STRN: variants seen among roughly 807,000 people sequenced by gnomAD.
STRN encodes protein phosphatase 2 regulatory subunit B'''alpha.
STRN carries 53 observed loss-of-function variants against 96.3 expected under a neutral mutation model. The ratio of observed to expected loss-of-function variants is 0.55; its 90% CI spans 0.44 to 0.69. The LOEUF is 0.69. Ranked by LOEUF, STRN falls within the 30% of genes least tolerant of loss-of-function variation. The probability of loss-of-function intolerance (pLI) is 0.00; values close to 1 mark genes in which losing one functional copy is unlikely to be tolerated. For missense variants in STRN, 987 were observed against 963.9 expected (o/e 1.02, Z -0.32); for synonymous variants, 428 against 355.9 (o/e 1.20, Z -2.28).
intron 3 of STRN, among the ~76,000 whole-genome samples, chr2:36,914,963 G>A (rs575926585): frequency 2.6e-5 from 4 of 151,968 alleles, no homozygotes; most frequent in South Asian, 2.1e-4. Context: ...TTGGGAGGCC[G>A]AGGGGGGGCG....
intron 9 of STRN, among the ~76,000 whole-genome samples, chr2:36,879,229 C>T (rs567473374): frequency 6.6e-6 from 1 of 150,862 alleles, no homozygotes; most frequent in Non-Finnish European, 1.5e-5. Context: ...TGCCACCATG[C>T]CTGGCTAATT....
In STRN at chr2:36,884,205, T is replaced by G. The variant is rs139546186; in HGVS notation, c.1043-130A>C. On this transcript the variant is annotated intron_variant, in intron 8 of 17. Transcript: ENST00000263918. ...TACCTTTAAAAATATTCTACTAGAT[T>G]AATAAGAATTATTTTCAAGTTTTCA... is the stretch of plus-strand genomic sequence containing the variant. 5.7e-4 allele frequency: 463 copies of G among 811,726 alleles called. 6 individuals carry two copies. In the African/African-American group the frequency reaches 7.7e-3, roughly 13 times the overall value. 50.3% of individuals were successfully genotyped at this position (811,726 alleles called of 1,614,324 possible).
rs745755370 is a variant in STRN, at chr2:36,861,153, T to C, written c.1648A>G (p.Ile550Val). The C allele has an allele frequency of 1.9e-6, 3 of 1,614,086 alleles. No individual in the cohort carries two copies. The highest frequency in any genetic ancestry group is 1.1e-5 in the South Asian group (1 of 91,076). ...CTACCATAAGAATCATAGGGGTCGATGTTGGGATTAGTGGTATTCCAGCCC... is the reference window on the plus strand; with the variant it reads ...CTACCATAAGAATCATAGGGGTCGACGTTGGGATTAGTGGTATTCCAGCCC... ...IQGWNTTNPN[I>V]DPYDSYDPSV... Residue 550 changes from isoleucine (I) to valine (V), a missense_variant, in exon 13 of 18, where the codon ATC becomes GTC. Coordinates refer to ENST00000263918, the MANE Select transcript of STRN (RefSeq NM_003162.4).
Position 36,861,145 on chromosome 2 carries a change from G to T in STRN, c.1656C>A (p.Pro552=). The change falls in exon 13 of 18, where the codon CCC becomes CCA. Residue 552 remains proline (P), a synonymous_variant. Transcript: ENST00000263918. The stretch of plus-strand genomic sequence containing the variant: ...GAAATCACCTACCATAAGAATCATA[G>T]GGGTCGATGTTGGGATTAGTGGTAT... ...GWNTTNPNID[P]YDSYDPSVLR... 1.2e-6 allele frequency: 2 copies of T among 1,613,698 alleles called. No individual in the cohort carries two copies. Among genetic ancestry groups the T allele is most frequent in the Non-Finnish European group, 1.7e-6 (2 of 1,179,892 alleles).
intron 5 of STRN, among the ~76,000 whole-genome samples, chr2:36,901,140 T>C (rs1669671305): frequency 6.6e-6 from 1 of 152,178 alleles, no homozygotes; most frequent in Non-Finnish European, 1.5e-5. Flanking sequence ...ATCGGACAGA[T>C]TAGCAACAGT....
At chr2:36,958,742 A>G (rs1664954083) in intron 1 of STRN, among the ~76,000 whole-genome samples, 1 of 152,248 alleles carries the variant, frequency 6.6e-6, no homozygotes, top group African/African-American at 2.4e-5. Flanking sequence ...GACAAACCTA[A>G]CAAGATAGCA....
intron 3 of STRN, among the ~76,000 whole-genome samples, chr2:36,914,043 G>A (rs1203994916): frequency 6.6e-6 from 1 of 152,056 alleles, no homozygotes; most frequent in East Asian, 1.9e-4. Context: ...AGAGTGCAGT[G>A]GCACTATCTT....
chr2:36,907,989 A>T (rs1046732766), intron 3 of STRN, among the ~76,000 whole-genome samples: 45 of 152,060 alleles, frequency 3.0e-4, no homozygotes, highest in Middle Eastern at 3.4e-3. Context: ...AAAATAAATT[A>T]AAAAAAATAA....
At chr2:36,922,864 C>G (rs1208196134) in intron 2 of STRN, among the ~76,000 whole-genome samples, 2 of 152,210 alleles carry the variant, frequency 1.3e-5, no homozygotes, top group East Asian at 3.8e-4. Context: ...AATAACCACT[C>G]CGGGCCGCAC....
At chr2:36,887,496 G>A (rs765554789) in intron 7 of STRN, among the ~76,000 whole-genome samples, 8 of 151,464 alleles carry the variant, frequency 5.3e-5, no homozygotes, top group Non-Finnish European at 1.2e-4. Context: ...ACAAAAAACA[G>A]AACTTCTCGT....
intron 5 of STRN, 127 bp downstream of exon 5, chr2:36,902,457 T>C (rs1005216630): frequency 8.4e-6 from 5 of 596,758 alleles, no homozygotes; most frequent in South Asian, 4.5e-5. Context: ...AATAAAATGT[T>C]AGAATTTTTA....
chr2:36,958,249 G>A (rs1358609861), intron 1 of STRN, among the ~76,000 whole-genome samples: 2 of 151,842 alleles, frequency 1.3e-5, no homozygotes, highest in Admixed American at 1.3e-4. Flanking sequence ...GACAGCAGGC[G>A]GCACACAAAG....
intron 1 of STRN, among the ~76,000 whole-genome samples, chr2:36,958,905 G>T (rs1348017280): frequency 6.6e-6 from 1 of 152,070 alleles, no homozygotes; most frequent in Non-Finnish European, 1.5e-5. Flanking sequence ...GGATCACGAG[G>T]TCAGATAGAG....
At chr2:36,893,010 A>T (rs1245457117) in intron 7 of STRN, among the ~76,000 whole-genome samples, 1 of 151,786 alleles carries the variant, frequency 6.6e-6, no homozygotes, top group Non-Finnish European at 1.5e-5. Flanking sequence ...ACAGAGTGAG[A>T]CTCGGTATCA....
intron 9 of STRN, among the ~76,000 whole-genome samples, chr2:36,880,128 T>C (rs752398869): frequency 6.6e-6 from 1 of 152,140 alleles, no homozygotes; most frequent in African/African-American, 2.4e-5. Flanking sequence ...CCACCATGCC[T>C]GGCTAATTTT....
chr2:36,952,846 G>A (rs1471757482), intron 1 of STRN, among the ~76,000 whole-genome samples: 3 of 152,154 alleles, frequency 2.0e-5, no homozygotes, highest in Non-Finnish European at 4.4e-5. Context: ...CCTCCTTTCA[G>A]CTTTACACCA....
At chr2:36,876,896 T>G (rs962068663) in intron 10 of STRN, among the ~76,000 whole-genome samples, 5 of 151,902 alleles carry the variant, frequency 3.3e-5, no homozygotes, top group African/African-American at 7.3e-5. Flanking sequence ...TACAGGCGCC[T>G]GCCACCACGC....
chr2:36,887,170 TATAA>T (rs1669257336), intron 7 of STRN, among the ~76,000 whole-genome samples: 1 of 151,584 alleles, frequency 6.6e-6, no homozygotes, highest in Non-Finnish European at 1.5e-5. Context: ...GGCTCACGCC[TATAA>T]TTCCAGCACT....
chr2:36,855,146 C>G, intron 15 of STRN, 66 bp downstream of exon 15: 1 of 1,527,206 alleles, frequency 6.5e-7, no homozygotes, highest in Admixed American at 1.8e-5. Context: ...ACAGCTGACT[C>G]TAGTAGTCGT....
Sources: allele counts gnomAD v4.1 joint callset (sites outside exome capture counted in the v4.1 genomes callset), GRCh38; gene constraint gnomAD v4.1.1; transcripts MANE v1.5; gene names NCBI Gene and HGNC (gene_info 2026-07-23, HGNC 2026-07-21).